TMEM108: variants seen among roughly 807,000 people sequenced by gnomAD.
The protein encoded by TMEM108 is cancer/testis antigen 124.
Under a neutral mutation model 35.1 loss-of-function variants are expected in TMEM108, and 12 were observed. The observed-to-expected ratio is 0.34, with a 90% CI of 0.22 to 0.55. The LOEUF is 0.55. TMEM108 is among the 20% of genes least tolerant of loss of function. The pLI is 0.89. For synonymous variants in TMEM108, 287 were observed against 308.6 expected, an observed-to-expected ratio of 0.93 and a Z score of 0.73; for missense variants, 680 against 753.3, an observed-to-expected ratio of 0.90 and a Z score of 1.14.
At chr3:133,355,889 AACTG>A (rs2072150369) in intron 3 of TMEM108, among the ~76,000 whole-genome samples, 1 of 152,134 alleles carries the variant, frequency 6.6e-6, no homozygotes, top group Non-Finnish European at 1.5e-5. Flanking sequence ...TTTTCTTTCT[AACTG>A]GCACAAAAAA....
At chr3:133,055,649 G>A (rs1002160029) in intron 2 of TMEM108, among the ~76,000 whole-genome samples, 7 of 152,200 alleles carry the variant, frequency 4.6e-5, no homozygotes, top group African/African-American at 1.7e-4. Flanking sequence ...GAAAGAGGCA[G>A]CTCCTCTCAG....
At chr3:133,287,481 A>AG (rs1323357203) in intron 3 of TMEM108, among the ~76,000 whole-genome samples, 2 of 152,188 alleles carry the variant, frequency 1.3e-5, no homozygotes, top group Non-Finnish European at 2.9e-5. Flanking sequence ...GTTGTCCTGG[A>AG]GGTTAATAGA....
chr3:133,308,357 T>C (rs2071073827), intron 3 of TMEM108, among the ~76,000 whole-genome samples: 1 of 152,188 alleles, frequency 6.6e-6, no homozygotes, highest in African/African-American at 2.4e-5. Context: ...TTTATTTCTT[T>C]CTCTTGCGTG....
chr3:133,055,542 C>T (rs7634595), intron 2 of TMEM108, among the ~76,000 whole-genome samples: 311 of 152,252 alleles, frequency 2.0e-3, no homozygotes, highest in Non-Finnish European at 3.8e-3. Flanking sequence ...TAAATGTGCA[C>T]GGGGGGTGGT....
At chr3:133,269,421 C>A (rs1207708568) in intron 3 of TMEM108, among the ~76,000 whole-genome samples, 1 of 152,150 alleles carries the variant, frequency 6.6e-6, no homozygotes, top group African/African-American at 2.4e-5. Context: ...TAGTCCCATT[C>A]TTCTCCAGGC....
intron 3 of TMEM108, among the ~76,000 whole-genome samples, chr3:133,327,692 C>T (rs981654091): frequency 2.0e-5 from 3 of 152,144 alleles, no homozygotes; most frequent in South Asian, 2.1e-4. Flanking sequence ...TTCAAGGCTA[C>T]AGAGGCTCAG....
chr3:133,324,165 A>C (rs945606381), intron 3 of TMEM108, among the ~76,000 whole-genome samples: 3 of 152,164 alleles, frequency 2.0e-5, no homozygotes, highest in Non-Finnish European at 4.4e-5. Flanking sequence ...CAAAAAGATA[A>C]ATAGATGAGA....
chr3:133,125,946 G>A (rs1439275527), intron 2 of TMEM108, among the ~76,000 whole-genome samples: 1 of 152,102 alleles, frequency 6.6e-6, no homozygotes, highest in South Asian at 2.1e-4. Flanking sequence ...CAGTTCCTTT[G>A]ATCTGGAACA....
At chr3:133,180,164 C>A (rs1004125679) in intron 2 of TMEM108, among the ~76,000 whole-genome samples, 35 of 151,978 alleles carry the variant, frequency 2.3e-4, no homozygotes, top group African/African-American at 7.2e-4. Context: ...AGGGAAAATT[C>A]TAGCTTCATT....
chr3:133,109,812 A>G (rs1431771372), intron 2 of TMEM108, among the ~76,000 whole-genome samples: 2 of 152,202 alleles, frequency 1.3e-5, no homozygotes, highest in African/African-American at 4.8e-5. Flanking sequence ...AGTTTTAGTC[A>G]ATTATGATTT....
intron 3 of TMEM108, among the ~76,000 whole-genome samples, chr3:133,364,889 G>A (rs115194015): frequency 0.028 from 4,325 of 152,220 alleles, 190 homozygotes; most frequent in African/African-American, 0.091. Context: ...GATCAGGCAG[G>A]GGGGGAAGTT....
chr3:133,291,730 A>C (rs1258197125), intron 3 of TMEM108, among the ~76,000 whole-genome samples: 2 of 152,156 alleles, frequency 1.3e-5, no homozygotes, highest in African/African-American at 4.8e-5. Context: ...TAATGAAGCC[A>C]TCAAACTCAT....
Position 133,264,941 on chromosome 3 carries a change from T to C in TMEM108, c.40+35590T>C, listed in dbSNP as rs7614337. Among the ~76,000 whole-genome samples, 318 of 152,226 alleles carry C rather than the reference T, an allele frequency of 2.1e-3. 1 individual carries two copies. Among genetic ancestry groups the C allele is most frequent in the African/African-American group, 7.2e-3 (299 of 41,530 alleles). Reference sequence around the variant, plus strand: ...AAAATTACTGGGAAGGCTAAGGCAGTAGATGGTGGGAACTGTGGTGTCCAA... The same window carrying C: ...AAAATTACTGGGAAGGCTAAGGCAGCAGATGGTGGGAACTGTGGTGTCCAA... On this transcript the variant is annotated intron_variant, in intron 3 of 5. Coordinates refer to ENST00000321871, the MANE Select transcript of TMEM108 (RefSeq NM_023943.4).
intron 2 of TMEM108, among the ~76,000 whole-genome samples, chr3:133,204,881 G>A (rs934235246): frequency 6.6e-6 from 1 of 152,138 alleles, no homozygotes; most frequent in African/African-American, 2.4e-5. Context: ...TCATTGATCT[G>A]TCTAATATTC....
chr3:133,268,331 TGTG>T (rs1187653378), intron 3 of TMEM108, among the ~76,000 whole-genome samples: 1 of 152,186 alleles, frequency 6.6e-6, no homozygotes, highest in East Asian at 1.9e-4. Flanking sequence ...TTGTTCAAAA[TGTG>T]GTACATGGAC....
intron 2 of TMEM108, among the ~76,000 whole-genome samples, chr3:133,095,445 C>T (rs184954596): frequency 5.3e-5 from 8 of 152,202 alleles, no homozygotes; most frequent in East Asian, 1.9e-4. Context: ...GATGGTTTCA[C>T]GATGATTCAA....
chr3:133,081,293 GT>G (rs1275569643), intron 2 of TMEM108, among the ~76,000 whole-genome samples: 1 of 152,190 alleles, frequency 6.6e-6, no homozygotes, highest in Non-Finnish European at 1.5e-5. Flanking sequence ...TATGGTGAGG[GT>G]TTTCTTCCCA....
chr3:133,144,183 T>G (rs1170148334), intron 2 of TMEM108, among the ~76,000 whole-genome samples: 1 of 152,112 alleles, frequency 6.6e-6, no homozygotes, highest in Non-Finnish European at 1.5e-5. Flanking sequence ...CCATGTGTTC[T>G]CGCTATTCAA....
At chr3:133,377,435 A>G (rs1006959314) in intron 3 of TMEM108, among the ~76,000 whole-genome samples, 2 of 152,188 alleles carry the variant, frequency 1.3e-5, no homozygotes, top group Non-Finnish European at 2.9e-5. Context: ...GGGATGCAAC[A>G]TACTGTCCTC....
Sources: allele counts gnomAD v4.1 joint callset (sites outside exome capture counted in the v4.1 genomes callset), GRCh38; gene constraint gnomAD v4.1.1; transcripts MANE v1.5; gene names NCBI Gene and HGNC (gene_info 2026-07-23, HGNC 2026-07-21).